Variants in PPP2R1B observed in about 807,000 individuals in gnomAD.
The protein encoded by PPP2R1B is protein phosphatase 2 scaffold subunit Abeta, also known as serine/threonine-protein phosphatase 2A 65 kDa regulatory subunit A beta isoform.
PPP2R1B carries 58 observed loss-of-function variants against 72.7 expected under a neutral mutation model. That is an observed-to-expected ratio of 0.80 (90% CI 0.65 to 0.99). The LOEUF (loss-of-function observed/expected upper bound fraction) is 0.99. PPP2R1B is among the 50% of genes least tolerant of loss of function. The pLI is 0.00. For missense variants in PPP2R1B, 695 were observed against 733.6 expected (o/e 0.95, Z 0.61); for synonymous variants, 256 against 264.6 (o/e 0.97, Z 0.32).
the PPP2R1B span, among the ~76,000 whole-genome samples, chr11:111,696,411 C>T: frequency 7.9e-5 from 12 of 152,266 alleles, no homozygotes; most frequent in South Asian, 8.3e-4. Context: ...TCTGAATTTA[C>T]TGTTGCAACT....
intron 10 of PPP2R1B, among the ~76,000 whole-genome samples, chr11:111,750,707 A>T (rs782219263): frequency 6.6e-6 from 1 of 152,228 alleles, no homozygotes; most frequent in Non-Finnish European, 1.5e-5. Flanking sequence ...TATAAAACCC[A>T]GCTTTGAAAT....
chr11:111,733,625 G>A (rs1461119097), downstream of PPP2R1B, among the ~76,000 whole-genome samples: 1 of 152,022 alleles, frequency 6.6e-6, no homozygotes, highest in Non-Finnish European at 1.5e-5. Context: ...CATAGTTGGG[G>A]GTGGGACACA....
downstream of PPP2R1B, chr11:111,726,651 G>A (rs560277666): frequency 3.4e-4 from 126 of 369,782 alleles, no homozygotes; most frequent in African/African-American, 2.3e-3. Flanking sequence ...CACCTGTGCT[G>A]CTCTGTCCCT....
chr11:111,708,418 CATTATT>C, the PPP2R1B span, among the ~76,000 whole-genome samples: 1 of 151,936 alleles, frequency 6.6e-6, no homozygotes, highest in Non-Finnish European at 1.5e-5. Context: ...ATAAAGTACT[CATTATT>C]ATTATTTAGA....
chr11:111,726,830 A>G, downstream of PPP2R1B: 1 of 742,986 alleles, frequency 1.3e-6, no homozygotes, highest in Non-Finnish European at 2.3e-6. Flanking sequence ...TATCATCATC[A>G]GCTTCATCAC....
At chr11:111,709,053 G>A in the PPP2R1B span, among the ~76,000 whole-genome samples, 5 of 152,186 alleles carry the variant, frequency 3.3e-5, no homozygotes, top group Admixed American at 1.3e-4. Context: ...TAGGGCTGCC[G>A]TAACGAAATA....
chr11:111,693,616 A>G, the PPP2R1B span, among the ~76,000 whole-genome samples: 4 of 152,218 alleles, frequency 2.6e-5, no homozygotes, highest in African/African-American at 7.2e-5. Context: ...GTTTATAATA[A>G]ATACTTAAAT....
chr11:111,732,378 T>C (rs971420650), intron 15 of PPP2R1B, among the ~76,000 whole-genome samples: 2 of 152,194 alleles, frequency 1.3e-5, no homozygotes, highest in African/African-American at 4.8e-5. Flanking sequence ...TAGGAACCCC[T>C]GACTCAGCCT....
At chr11:111,732,223 G>A (rs771544576) in intron 15 of PPP2R1B, among the ~76,000 whole-genome samples, 6 of 152,196 alleles carry the variant, frequency 3.9e-5, no homozygotes, top group Non-Finnish European at 5.9e-5. Context: ...ATCTTAAATC[G>A]AGGACTCAGA....
At position 111,739,538 on chromosome 11, in the gene PPP2R1B, C is replaced by A. The variant is rs994844004; in HGVS notation, c.*2058G>T. 4.1e-6 allele frequency: 4 copies of A among 985,288 alleles called. No homozygotes were observed. The African/African-American group carries it at 7.0e-5, about 17-fold the overall frequency. The allele number at this position is 985,288 out of a possible 1,614,324, so 61.0% of individuals were successfully genotyped here. ...ACCCCCGACCCATGCTTGAGAAAGC[C>A]AGGGCCCACTCTCCCTCTCTCAAAC... On this transcript the variant is annotated 3_prime_UTR_variant, in exon 15 of 15. Transcript: ENST00000527614.
chr11:111,701,005 A>T, the PPP2R1B span: 1 of 1,613,802 alleles, frequency 6.2e-7, no homozygotes, highest in East Asian at 2.2e-5. This position sits in a 1 kb window ranked among gnomAD's most constrained non-coding sequence, Gnocchi z 4.2. Flanking sequence ...ACAGCTGGAC[A>T]TCTGGGTACT....
rs961776431 is a variant in PPP2R1B, at chr11:111,743,678, T to C, written c.1400-148A>G. ...TGTAATCATGCTGCAATGACAAGCA[T>C]GCTCAGCTCCAACTCAGTTTCCAAG... On this transcript the variant is annotated intron_variant, in intron 11 of 14. Transcript: ENST00000527614. 3.9e-6 allele frequency: 4 copies of C among 1,014,404 alleles called. No individual in the cohort carries two copies. The African/African-American group carries it at 6.5e-5, about 17-fold the overall frequency. The allele number at this position is 1,014,404 out of a possible 1,614,324, so 62.8% of individuals were successfully genotyped here.
chr11:111,752,493 T>C (rs1944946679), intron 9 of PPP2R1B, among the ~76,000 whole-genome samples, 161 bp from the exon 10 acceptor site: 1 of 152,062 alleles, frequency 6.6e-6, no homozygotes, highest in Non-Finnish European at 1.5e-5. Context: ...TCAAGGAACA[T>C]AAATGATCTT....
chr11:111,755,926 C>T (rs1555049547), intron 5 of PPP2R1B, among the ~76,000 whole-genome samples: 1 of 151,932 alleles, frequency 6.6e-6, no homozygotes, highest in Non-Finnish European at 1.5e-5. Flanking sequence ...GAGCTGCTCC[C>T]GGCCGGGCCC....
the PPP2R1B span, chr11:111,720,007 C>T: frequency 3.7e-6 from 6 of 1,611,310 alleles, no homozygotes; most frequent in Non-Finnish European, 4.2e-6. Flanking sequence ...GGGGCAGGTA[C>T]GGTAGAGGAG....
At chr11:111,756,921 C>T (rs1215551512) in intron 5 of PPP2R1B, among the ~76,000 whole-genome samples, 1 of 152,048 alleles carries the variant, frequency 6.6e-6, no homozygotes, top group African/African-American at 2.4e-5. Flanking sequence ...CAACACCAGC[C>T]TGGCCAACAT....
chr11:111,744,403 AAT>A (rs1207250643), intron 11 of PPP2R1B, among the ~76,000 whole-genome samples: 1 of 152,238 alleles, frequency 6.6e-6, no homozygotes, highest in Non-Finnish European at 1.5e-5. Flanking sequence ...CAAGATGTCA[AAT>A]GTCTTTGAAT....
At chr11:111,753,635 A>T in intron 8 of PPP2R1B, 58 bp from the exon 9 acceptor site, 1 of 1,523,706 alleles carries the variant, frequency 6.6e-7, no homozygotes, top group Non-Finnish European at 8.9e-7. Context: ...CTTCCATACC[A>T]TTATTCTGGG....
At chr11:111,758,699 AAAGAGAG>A (rs1342399060) in intron 5 of PPP2R1B, among the ~76,000 whole-genome samples, 1 of 152,118 alleles carries the variant, frequency 6.6e-6, no homozygotes, top group African/African-American at 2.4e-5. Flanking sequence ...GTGGAGGAGG[AAAGAGAG>A]ATTGTGTTTG....
Sources: gnomAD v4.1 joint callset for allele counts (sites outside exome capture counted in the v4.1 genomes callset) on GRCh38, gnomAD v4.1.1 for gene constraint, Gnocchi (gnomAD v3.1) non-coding constraint, MANE v1.5 for transcripts, NCBI Gene and HGNC (gene_info 2026-07-23, HGNC 2026-07-21) for gene names.